The following LUZP2 variants were observed in gnomAD, a reference collection of about 807,000 sequenced individuals.
The protein encoded by LUZP2 is leucine zipper protein 2.
A neutral mutation model predicts 51.6 loss-of-function variants in LUZP2; 52 were observed. The ratio of observed to expected loss-of-function variants is 1.01; its 90% CI spans 0.81 to 1.27. LUZP2 has a LOEUF of 1.27. LUZP2 is among the 50% of genes most tolerant of loss of function. The pLI is 0.00. For synonymous variants in LUZP2, 154 were observed against 137.3 expected (o/e 1.12, Z -0.85); for missense variants, 436 against 395.4 (o/e 1.10, Z -0.87).
intron 8 of LUZP2, among the ~76,000 whole-genome samples, chr11:24,978,037 A>G (rs1032514862): frequency 2.6e-5 from 4 of 151,596 alleles, no homozygotes; most frequent in African/African-American, 9.7e-5. Flanking sequence ...TTATTTTGCA[A>G]TAGTACACTG....
intron 5 of LUZP2, among the ~76,000 whole-genome samples, chr11:24,771,808 G>T (rs1177447242): frequency 6.6e-6 from 1 of 151,982 alleles, no homozygotes; most frequent in Non-Finnish European, 1.5e-5. Flanking sequence ...GAGATCTGAT[G>T]GTTTTATAAA....
intron 1 of LUZP2, among the ~76,000 whole-genome samples, chr11:24,606,264 A>G (rs980820023): frequency 2.4e-4 from 37 of 151,996 alleles, no homozygotes; most frequent in African/African-American, 8.4e-4. Context: ...CACATTCAGT[A>G]GAAACTATAC....
chr11:24,741,240 G>A (rs1859128097), intron 4 of LUZP2, among the ~76,000 whole-genome samples: 1 of 151,884 alleles, frequency 6.6e-6, no homozygotes. Flanking sequence ...GGTTCTCAGA[G>A]ACTTACAAAT....
chr11:25,038,219 A>C (rs749796674), intron 9 of LUZP2, among the ~76,000 whole-genome samples: 2 of 152,074 alleles, frequency 1.3e-5, no homozygotes, highest in Admixed American at 6.6e-5. Flanking sequence ...TTCTTTAAAA[A>C]ATTTTTCTGT....
At chr11:24,752,247 G>A (rs12270592) in intron 4 of LUZP2, among the ~76,000 whole-genome samples, 5,968 of 152,068 alleles carry the variant, frequency 0.039, 220 homozygotes, top group African/African-American at 0.095. Flanking sequence ...GAAAGAACAG[G>A]TCACCCACAA....
chr11:24,791,793 T>A (rs1849416900), intron 5 of LUZP2, among the ~76,000 whole-genome samples: 1 of 152,162 alleles, frequency 6.6e-6, no homozygotes, highest in African/African-American at 2.4e-5. Flanking sequence ...ACCTGTTATT[T>A]ACAGAGTTTT....
chr11:24,745,282 C>A (rs539743481), intron 4 of LUZP2, among the ~76,000 whole-genome samples: 101 of 152,068 alleles, frequency 6.6e-4, no homozygotes, highest in African/African-American at 2.4e-3. Flanking sequence ...CTGTCTTGAC[C>A]TTTCTAGTAC....
chr11:24,857,298 TATATACATATATATAC>T (rs1338433085), intron 5 of LUZP2, among the ~76,000 whole-genome samples: 30 of 63,078 alleles, frequency 4.8e-4, no homozygotes, highest in African/African-American at 1.6e-3. Context: ...TACATATATA[TATATACATATATATAC>T]ACACACACAC....
chr11:25,053,340 T>C (rs1858581179), intron 10 of LUZP2, among the ~76,000 whole-genome samples: 1 of 152,136 alleles, frequency 6.6e-6, no homozygotes, highest in Admixed American at 6.5e-5. Flanking sequence ...ACTCTGTTAA[T>C]AATTAGAATG....
At chr11:24,860,253 T>C (rs1156906580) in intron 5 of LUZP2, among the ~76,000 whole-genome samples, 1 of 152,118 alleles carries the variant, frequency 6.6e-6, no homozygotes, top group East Asian at 1.9e-4. Flanking sequence ...CTGCAGGAAC[T>C]CGAGTAACCC....
chr11:24,722,118 A>G (rs1303666302), intron 1 of LUZP2, among the ~76,000 whole-genome samples: 1 of 152,250 alleles, frequency 6.6e-6, no homozygotes, highest in Non-Finnish European at 1.5e-5. Context: ...TGAAATAAGT[A>G]AATTAACTAA....
intron 1 of LUZP2, among the ~76,000 whole-genome samples, chr11:24,723,299 A>T (rs1271545339): frequency 1.3e-5 from 2 of 152,142 alleles, no homozygotes; most frequent in Non-Finnish European, 2.9e-5. Context: ...AATTTGAAAA[A>T]TTTTTTGGCT....
chr11:24,869,739 C>T (rs1324483603), intron 5 of LUZP2, among the ~76,000 whole-genome samples: 1 of 152,096 alleles, frequency 6.6e-6, no homozygotes, highest in Non-Finnish European at 1.5e-5. Flanking sequence ...ATGGCCATTG[C>T]CCCATCTCGC....
chr11:24,769,261 T>C (rs559656886), intron 5 of LUZP2, among the ~76,000 whole-genome samples: 9 of 129,842 alleles, frequency 6.9e-5, no homozygotes, highest in Non-Finnish European at 1.4e-4. Context: ...ATGGAAGAAG[T>C]TTTGTCAACA....
rs567973854 is a variant in LUZP2, at chr11:25,032,095, A to T, written c.766-17943A>T. Among the ~76,000 whole-genome samples, 3 of 152,276 alleles carry T rather than the reference A, an allele frequency of 2.0e-5. No individual in the cohort carries two copies. In the South Asian group the frequency reaches 6.2e-4, roughly 32 times the overall value. ...GGTCTGCAAATAGAGGAAAGAAGCC[A>T]TAAGCCAAAGGATGTGACTAGGCTC... On this transcript the variant is annotated intron_variant, in intron 9 of 11. Coordinates refer to ENST00000336930, the MANE Select transcript of LUZP2 (RefSeq NM_001009909.4).
intron 5 of LUZP2, among the ~76,000 whole-genome samples, chr11:24,771,461 T>C (rs76492914): frequency 0.089 from 11,954 of 133,850 alleles, 1,168 homozygotes; most frequent in African/African-American, 0.24. Context: ...GCAAATGCCT[T>C]GAAGTTAGAA....
chr11:24,629,531 T>G (rs1394698992), intron 1 of LUZP2, among the ~76,000 whole-genome samples: 1 of 130,330 alleles, frequency 7.7e-6, no homozygotes, highest in African/African-American at 2.9e-5. Flanking sequence ...TTCCATTGCA[T>G]ATATATATAT....
At chr11:24,877,764 C>G (rs564621252) in intron 5 of LUZP2, among the ~76,000 whole-genome samples, 1 of 152,162 alleles carries the variant, frequency 6.6e-6, no homozygotes, top group Non-Finnish European at 1.5e-5. Flanking sequence ...CCCAACTACT[C>G]TTCTCAGGCT....
At chr11:25,075,569 T>C (rs1859276915) in intron 10 of LUZP2, among the ~76,000 whole-genome samples, 1 of 152,180 alleles carries the variant, frequency 6.6e-6, no homozygotes, top group Non-Finnish European at 1.5e-5. Flanking sequence ...GAGGCAGGCA[T>C]GATTACACAT....
Sources: allele counts gnomAD v4.1 joint callset (sites outside exome capture counted in the v4.1 genomes callset), GRCh38; gene constraint gnomAD v4.1.1; transcripts MANE v1.5; gene names NCBI Gene and HGNC (gene_info 2026-07-23, HGNC 2026-07-21).